Variants in DHX36 observed in about 807,000 individuals in gnomAD.
The protein encoded by DHX36 is ATP-dependent DNA/RNA helicase DHX36.
DHX36 carries 50 observed loss-of-function variants against 139.0 expected under a neutral mutation model. The observed-to-expected ratio is 0.36, with a 90% CI of 0.29 to 0.46. The LOEUF is 0.46. DHX36 is among the 20% of genes least tolerant of loss of function. DHX36 has a pLI of 1.00. For missense variants in DHX36, 1,024 were observed against 1,211.3 expected (o/e 0.85, Z 2.29); for synonymous variants, 425 against 401.9 (o/e 1.06, Z -0.69).
In DHX36 at chr3:154,319,115, G is replaced by A. The variant is rs1374676781; in HGVS notation, c.244-2952C>T. 2.6e-5 allele frequency: 4 copies of A among 152,208 alleles called. No individual in the cohort carries two copies. In the South Asian group the frequency reaches 6.2e-4, roughly 24 times the overall value. The allele number at this position is 152,208 out of a possible 1,614,324, so 9.4% of individuals were successfully genotyped here. On this transcript the variant is annotated intron_variant, in intron 1 of 24. Coordinates refer to ENST00000496811, the MANE Select transcript of DHX36 (RefSeq NM_020865.3). The stretch of plus-strand genomic sequence containing the variant: ...AAACTTGGATCTTGCCTTTTTGTAG[G>A]ATGCCTCTCTCCCCCTCAACAACCT...
intron 4 of DHX36, among the ~76,000 whole-genome samples, chr3:154,310,443 A>T (rs1415710892): frequency 6.6e-6 from 1 of 151,880 alleles, no homozygotes; most frequent in Non-Finnish European, 1.5e-5. Context: ...GTTAGGGGTT[A>T]TTTTCATGTA....
chr3:154,294,508 G>A (rs1711952515), intron 13 of DHX36, among the ~76,000 whole-genome samples: 1 of 152,170 alleles, frequency 6.6e-6, no homozygotes, highest in South Asian at 2.1e-4. Flanking sequence ...ACTAGGTTAT[G>A]GTGTGGAAGA....
At chr3:154,312,863 AT>A (rs1252620713) in intron 3 of DHX36, among the ~76,000 whole-genome samples, 1 of 33,396 alleles carries the variant, frequency 3.0e-5, no homozygotes, top group East Asian at 7.6e-4. Context: ...ATATATATAT[AT>A]ATATATATAT....
At chr3:154,299,391 T>A (rs1360199731) in intron 12 of DHX36, among the ~76,000 whole-genome samples, 2 of 152,220 alleles carry the variant, frequency 1.3e-5, no homozygotes, top group East Asian at 3.8e-4. Flanking sequence ...AAGGTTCTCA[T>A]TCATTTCTCT....
At chr3:154,291,039 G>T (rs1006440616) in intron 15 of DHX36, among the ~76,000 whole-genome samples, 7 of 145,944 alleles carry the variant, frequency 4.8e-5, no homozygotes, top group African/African-American at 7.5e-5. Context: ...GGAGGCTGAG[G>T]CAGGAGAATG....
intron 4 of DHX36, among the ~76,000 whole-genome samples, chr3:154,311,039 G>T (rs926716365): frequency 6.6e-6 from 1 of 150,972 alleles, no homozygotes; most frequent in Non-Finnish European, 1.5e-5. Context: ...GCACTGTTCT[G>T]AGTCAAGAGA....
intron 22 of DHX36, 59 bp downstream of exon 22, chr3:154,280,520 A>G (rs951374843): frequency 8.4e-7 from 1 of 1,197,474 alleles, no homozygotes; most frequent in African/African-American, 1.5e-5. Flanking sequence ...TTACATGAGC[A>G]GATTTCAAAA....
At position 154,321,603 on chromosome 3, in the gene DHX36, AAAT is replaced by A. The variant is rs1713188184; in HGVS notation, c.243+2568_243+2570del. ...TACAGTGCTTAAGATACTGTCACAAAAATAATGTCCTCAATAAATATTTGTTGA... is the reference window on the plus strand; with the variant it reads ...TACAGTGCTTAAGATACTGTCACAAAAATGTCCTCAATAAATATTTGTTGA... On this transcript the variant is annotated intron_variant, in intron 1 of 24. Transcript: ENST00000496811. 2.6e-5 allele frequency among the ~76,000 whole-genome samples: 4 copies of A among 152,330 alleles called. No homozygotes were observed. In the South Asian group the frequency reaches 8.3e-4, roughly 32 times the overall value.
chr3:154,301,399 T>C (rs1053724942), intron 9 of DHX36, among the ~76,000 whole-genome samples: 2 of 152,222 alleles, frequency 1.3e-5, no homozygotes, highest in African/African-American at 4.8e-5. Flanking sequence ...TAAGTAACTT[T>C]TACCTTCTAT....
intron 6 of DHX36, among the ~76,000 whole-genome samples, chr3:154,305,619 T>A (rs2108355985): frequency 6.6e-6 from 1 of 152,166 alleles, no homozygotes; most frequent in South Asian, 2.1e-4. Context: ...GTAAAAAAAT[T>A]AGCCAGTTGT....
intron 9 of DHX36, among the ~76,000 whole-genome samples, chr3:154,302,919 A>G (rs1712356027): frequency 6.6e-6 from 1 of 152,178 alleles, no homozygotes; most frequent in South Asian, 2.1e-4. Flanking sequence ...TCTACTAAAA[A>G]TACAAAAATT....
chr3:154,272,975 T>A lies in DHX36; in HGVS notation c.*3196A>T, dbSNP rs1297424241. 2 of 152,212 alleles carry A rather than the reference T, an allele frequency of 1.3e-5. No individual in the cohort carries two copies. Among genetic ancestry groups the A allele is most frequent in the Non-Finnish European group, 2.9e-5 (2 of 68,024 alleles). 9.4% of individuals were successfully genotyped at this position (152,212 alleles called of 1,614,324 possible). On this transcript the variant is annotated 3_prime_UTR_variant, in exon 25 of 25. Coordinates refer to ENST00000496811, the MANE Select transcript of DHX36 (RefSeq NM_020865.3). Reference sequence around the variant, plus strand: ...TAGAGCTTTTGCCCAAATTAATTAATTGGGAAGGCATCACATGTGCTCACT... The same window carrying A: ...TAGAGCTTTTGCCCAAATTAATTAAATGGGAAGGCATCACATGTGCTCACT...
In DHX36 at chr3:154,276,862, C is replaced by G. The variant is rs1203534130; in HGVS notation, c.2726G>C (p.Cys909Ser). 1.2e-6 allele frequency: 2 copies of G among 1,613,750 alleles called. No homozygotes were observed. Among genetic ancestry groups the G allele is most frequent in the Non-Finnish European group, 8.5e-7 (1 of 1,179,868 alleles). Residue 909 changes from cysteine (C) to serine (S), a missense_variant, in exon 24 of 25, where the codon TGT (cysteine) becomes TCT (serine). Transcript: ENST00000496811. Reference protein sequence around the residue: ...LYDCTEVSPYCLLFFGGDISI... With the variant: ...LYDCTEVSPYSLLFFGGDISI... ...AATGTCACCTCCAAAAAACAAGAGA[C>G]AGTATGGGGAAACCTCTGTGCAGTC...
Position 154,324,302 on chromosome 3 carries a change from C to T in DHX36, c.115G>A (p.Gly39Ser). The change falls in exon 1 of 25, where the codon GGC (glycine) becomes AGC (serine). Residue 39 changes from glycine (G) to serine (S), a missense_variant. By Grantham distance (56) the Gly-to-Ser change is moderately conservative. Transcript: ENST00000496811. ...GHGGNRGSGG[G>S]GGGGGGGRGG... ...CGACCACCCCCTCCGCCGCCGCCGC[C>T]TCCTCCGGAGCCTCGGTTACCTCCA... 6.2e-7 allele frequency: 1 copy of T among 1,612,426 alleles called. No homozygotes were observed. Among genetic ancestry groups the T allele is most frequent in the Non-Finnish European group, 8.5e-7 (1 of 1,179,292 alleles).
chr3:154,277,753 GA>G, intron 22 of DHX36, 35 bp from the exon 23 acceptor site: 1 of 1,562,456 alleles, frequency 6.4e-7, no homozygotes, highest in Non-Finnish European at 8.7e-7. Context: ...TTGTTAAAAA[GA>G]AGTCTTCTAG....
At chr3:154,284,085 C>A (rs1425796554) in intron 19 of DHX36, among the ~76,000 whole-genome samples, 3 of 152,214 alleles carry the variant, frequency 2.0e-5, no homozygotes, top group Non-Finnish European at 1.5e-5. Flanking sequence ...TGAACTATTA[C>A]AAAATTAAAA....
intron 4 of DHX36, among the ~76,000 whole-genome samples, chr3:154,310,345 T>C (rs896598009): frequency 6.6e-5 from 10 of 152,152 alleles, no homozygotes; most frequent in African/African-American, 2.4e-4. Flanking sequence ...ATATTTGGGT[T>C]TCATTCTTCC....
At chr3:154,280,918 AAACC>A in intron 20 of DHX36, 56 bp from the exon 21 acceptor site, 1 of 1,284,724 alleles carries the variant, frequency 7.8e-7, no homozygotes, top group Non-Finnish European at 1.1e-6. Flanking sequence ...TTGAGGCTAT[AAACC>A]ATACACTAAT....
intron 24 of DHX36, 166 bp from the exon 25 acceptor site, chr3:154,276,522 A>C (rs1359017632): frequency 1.3e-6 from 1 of 779,682 alleles, no homozygotes; most frequent in Non-Finnish European, 2.0e-6. Context: ...TGAATAACTA[A>C]AGTGCAGTTA....
Sources: gnomAD v4.1 joint callset for allele counts (sites outside exome capture counted in the v4.1 genomes callset) on GRCh38, gnomAD v4.1.1 for gene constraint, MANE v1.5 for transcripts, NCBI Gene and HGNC (gene_info 2026-07-23, HGNC 2026-07-21) for gene names.